TCF7L1: variants seen among roughly 807,000 people sequenced by gnomAD.
TCF7L1 encodes the protein transcription factor 7-like 1.
A neutral mutation model predicts 63.7 loss-of-function variants in TCF7L1; 18 were observed. That is an observed-to-expected ratio of 0.28 (90% CI 0.20 to 0.42). The LOEUF (loss-of-function observed/expected upper bound fraction) is 0.42. Ranked by LOEUF, TCF7L1 falls within the 10% of genes least tolerant of loss-of-function variation. The probability of loss-of-function intolerance (pLI) is 1.00; values close to 1 mark genes in which losing one functional copy is unlikely to be tolerated. For missense variants in TCF7L1, 654 were observed against 779.3 expected, an observed-to-expected ratio of 0.84 and a Z score of 1.91; for synonymous variants, 355 against 340.9, an observed-to-expected ratio of 1.04 and a Z score of -0.46.
chr2:85,195,721 A>G (rs1278375925), intron 3 of TCF7L1, among the ~76,000 whole-genome samples: 3 of 151,678 alleles, frequency 2.0e-5, no homozygotes, highest in South Asian at 2.1e-4. Flanking sequence ...CAATTTTTGT[A>G]TTTTTTGTAG....
At chr2:85,184,675 G>A (rs11886758) in intron 3 of TCF7L1, among the ~76,000 whole-genome samples, 4,302 of 152,024 alleles carry the variant, frequency 0.028, 214 homozygotes, top group African/African-American at 0.098. Context: ...TGGTGTGTAA[G>A]GACAAGGCTG....
chr2:85,146,404 A>G (rs1677880001), intron 3 of TCF7L1, among the ~76,000 whole-genome samples: 1 of 152,206 alleles, frequency 6.6e-6, no homozygotes, highest in Admixed American at 6.5e-5. Flanking sequence ...CATTTGGGGC[A>G]AGATTCAAAG....
chr2:85,271,322 A>G (rs1019682138), intron 3 of TCF7L1, among the ~76,000 whole-genome samples: 3 of 152,180 alleles, frequency 2.0e-5, no homozygotes, highest in Non-Finnish European at 2.9e-5. Flanking sequence ...CATATTGGCC[A>G]TGCTGGTCTT....
Position 85,309,315 on chromosome 2 carries a change from C to T in TCF7L1, c.1620C>T (p.Pro540=). ...SSSGQMGSQP[P]LLSRPLPLGS... ...CTGGGCAGATGGGCAGCCAGCCTCC[C>T]CTCCTGTCCCGGCCCCTCCCCCTTG... Residue 540 remains proline (P), a synonymous_variant, in exon 12 of 12, where the codon CCC becomes CCT. Transcript: ENST00000282111. 6.2e-7 allele frequency: 1 copy of T among 1,613,488 alleles called. No individual in the cohort carries two copies.
chr2:85,153,381 A>G (rs55733107), intron 3 of TCF7L1, among the ~76,000 whole-genome samples: 3,430 of 112,558 alleles, frequency 0.03, 67 homozygotes, highest in Middle Eastern at 0.045. Context: ...TTGCTCTGTC[A>G]CCCAGGCTGG....
chr2:85,136,234 C>T (rs1247875482), intron 3 of TCF7L1, among the ~76,000 whole-genome samples: 1 of 152,212 alleles, frequency 6.6e-6, no homozygotes, highest in Non-Finnish European at 1.5e-5. Context: ...GGCTATTTCT[C>T]CATGCACCCA....
At chr2:85,161,873 G>T (rs531341945) in intron 3 of TCF7L1, among the ~76,000 whole-genome samples, 5 of 152,100 alleles carry the variant, frequency 3.3e-5, no homozygotes, top group African/African-American at 4.8e-5. Context: ...TCAGAGGCTT[G>T]TGGTGATCAA....
chr2:85,282,513 C>T (rs886171589), intron 3 of TCF7L1, among the ~76,000 whole-genome samples: 4 of 152,312 alleles, frequency 2.6e-5, no homozygotes, highest in African/African-American at 2.4e-5. Context: ...CTCCCATGTG[C>T]GAGGCACTGT....
At chr2:85,196,940 C>A (rs1182703228) in intron 3 of TCF7L1, among the ~76,000 whole-genome samples, 1 of 152,106 alleles carries the variant, frequency 6.6e-6, no homozygotes, top group Non-Finnish European at 1.5e-5. Context: ...TCTTCCTCAG[C>A]CCCCGGCACT....
chr2:85,152,607 G>A (rs987603157), intron 3 of TCF7L1, among the ~76,000 whole-genome samples: 2 of 151,374 alleles, frequency 1.3e-5, no homozygotes, highest in Admixed American at 6.6e-5. Flanking sequence ...GCTAATTTTC[G>A]TAGTTTTAGT....
chr2:85,307,308 T>C (rs948533323), intron 10 of TCF7L1, among the ~76,000 whole-genome samples: 1 of 152,198 alleles, frequency 6.6e-6, no homozygotes, highest in Admixed American at 6.5e-5. Flanking sequence ...CATCAAACTT[T>C]CAAAGGGACC....
intron 3 of TCF7L1, among the ~76,000 whole-genome samples, chr2:85,226,323 A>G (rs887544364): frequency 6.6e-5 from 10 of 152,146 alleles, no homozygotes; most frequent in African/African-American, 2.2e-4. Flanking sequence ...TTCTTTTTCT[A>G]TTGATTGGAA....
chr2:85,277,235 G>A (rs1419873914), intron 3 of TCF7L1, among the ~76,000 whole-genome samples: 1 of 152,126 alleles, frequency 6.6e-6, no homozygotes, highest in Non-Finnish European at 1.5e-5. Context: ...AGTAGTCCAG[G>A]CAAGAAACGA....
intron 3 of TCF7L1, among the ~76,000 whole-genome samples, chr2:85,155,591 CTTCATT>C (rs1204756387): frequency 2.6e-5 from 4 of 152,194 alleles, no homozygotes; most frequent in African/African-American, 9.6e-5. Context: ...AGTCTTCGTA[CTTCATT>C]TTCAAGTACA....
chr2:85,308,521 T>A (rs1682194886), intron 11 of TCF7L1, among the ~76,000 whole-genome samples: 3 of 91,194 alleles, frequency 3.3e-5, no homozygotes, highest in South Asian at 4.8e-4. Context: ...CTTCCCTCGC[T>A]TTCTCCTTCC....
intron 3 of TCF7L1, among the ~76,000 whole-genome samples, chr2:85,241,437 G>GTTTTTTTTTTT (rs772334481): frequency 1.1e-4 from 9 of 83,068 alleles, no homozygotes; most frequent in African/African-American, 2.3e-4. Context: ...CTTTGTTTTT[G>GTTTTTTTTTTT]TTTTTTTTTT....
At position 85,153,340 on chromosome 2, in the gene TCF7L1, A is replaced by ATTTTTTTTTTTTTTTT. The variant is rs66697146; in HGVS notation, c.441+18894_441+18909dup. On this transcript the variant is annotated intron_variant, in intron 3 of 11. Coordinates refer to ENST00000282111, the MANE Select transcript of TCF7L1 (RefSeq NM_031283.3). ...TTCATGATCTTGCTAGCCTTTATAA[A>ATTTTTTTTTTTTTTTT]TTTTTTTTTTTTTTTTTTTGAGATG... is the stretch of plus-strand genomic sequence containing the variant. 7.1e-4 allele frequency among the ~76,000 whole-genome samples: 73 copies of ATTTTTTTTTTTTTTTT among 102,262 alleles called. 10 individuals carry two copies. Among genetic ancestry groups the ATTTTTTTTTTTTTTTT allele is most frequent in the African/African-American group, 2.2e-3 (53 of 23,750 alleles). 67.1% of individuals were successfully genotyped at this position (102,262 alleles called of 152,430 possible).
intron 3 of TCF7L1, chr2:85,187,350 TG>T (rs1454192247): frequency 6.6e-6 from 1 of 152,178 alleles, no homozygotes; most frequent in Non-Finnish European, 1.5e-5. Context: ...ACAGACTAGA[TG>T]GGGAGATGTT....
intron 5 of TCF7L1, 33 bp downstream of exon 5, chr2:85,302,649 C>A: frequency 6.6e-7 from 1 of 1,510,930 alleles, no homozygotes; most frequent in Non-Finnish European, 9.0e-7. Flanking sequence ...AGTGCTGCTG[C>A]AGGGCAGGCG....
Sources: allele counts gnomAD v4.1 joint callset (sites outside exome capture counted in the v4.1 genomes callset), GRCh38; gene constraint gnomAD v4.1.1; transcripts MANE v1.5; gene names NCBI Gene and HGNC (gene_info 2026-07-23, HGNC 2026-07-21).